SAXO1: variants seen among roughly 807,000 people sequenced by gnomAD.
The protein encoded by SAXO1 is stabilizer of axonemal microtubules 1.
SAXO1 carries 21 observed loss-of-function variants against 17.5 expected under a neutral mutation model. The observed-to-expected ratio is 1.20, with a 90% CI of 0.85 to 1.72. The LOEUF is 1.72. Ranked by LOEUF, SAXO1 falls within the 40% of genes most tolerant of loss-of-function variation. The pLI is 0.00. For synonymous variants in SAXO1, 274 were observed against 216.5 expected (o/e 1.27, Z -2.33); for missense variants, 843 against 596.0 (o/e 1.41, Z -4.32).
chr9:18,965,349 G>A (rs1284051873), intron 1 of SAXO1, among the ~76,000 whole-genome samples: 1 of 152,172 alleles, frequency 6.6e-6, no homozygotes, highest in Non-Finnish European at 1.5e-5. Context: ...TGACAGTGGG[G>A]TGTTAAAGTC....
At chr9:18,991,204 G>A (rs191609104) in intron 1 of SAXO1, among the ~76,000 whole-genome samples, 13 of 152,268 alleles carry the variant, frequency 8.5e-5, no homozygotes, top group Admixed American at 5.9e-4. Context: ...GTCATAGTGA[G>A]CCAAGATTGC....
rs766863784 is a variant in SAXO1 at position 18,928,221 on chromosome 9, C to T, written c.1256G>A (p.Arg419Lys). 2.5e-6 allele frequency: 4 copies of T among 1,614,162 alleles called. No individual in the cohort carries two copies. In the Admixed American group the frequency reaches 6.7e-5, roughly 27 times the overall value. The part of the protein sequence containing the change: ...TISFTPKEMG[R>K]CLASYPEPPG... ...AGGCTCAGGATATGAAGCTAGGCAC[C>T]TGCCCATTTCCTTGGGAGTAAAGCT... The change falls in exon 4 of 4, where the codon AGG (arginine) becomes AAG (lysine). Residue 419 changes from arginine (R) to lysine (K), a missense_variant. Physicochemically the swap from Arg to Lys is conservative, Grantham distance 26 (BLOSUM62 2). Transcript: ENST00000380534.
intron 1 of SAXO1, among the ~76,000 whole-genome samples, chr9:19,008,578 A>C (rs1385724399): frequency 1.3e-5 from 2 of 152,174 alleles, no homozygotes; most frequent in African/African-American, 4.8e-5. Context: ...TTGAGGCAGA[A>C]AATGCTAGAT....
At chr9:18,932,540 A>T (rs1003463382) in intron 3 of SAXO1, among the ~76,000 whole-genome samples, 2 of 152,244 alleles carry the variant, frequency 1.3e-5, no homozygotes, top group Admixed American at 1.3e-4. Context: ...TATAAAACCT[A>T]AAATTACTTT....
At chr9:18,973,347 A>G (rs1833022007) in intron 1 of SAXO1, among the ~76,000 whole-genome samples, 2 of 152,252 alleles carry the variant, frequency 1.3e-5, no homozygotes, top group East Asian at 1.9e-4. Flanking sequence ...GTGGCATTCA[A>G]TACAGCTGCC....
chr9:18,947,102 G>T (rs77478623), intron 2 of SAXO1, among the ~76,000 whole-genome samples: 1,899 of 152,340 alleles, frequency 0.012, 44 homozygotes, highest in African/African-American at 0.043. Flanking sequence ...GATTGCCCAA[G>T]CAAGTCCAGT....
intron 1 of SAXO1, among the ~76,000 whole-genome samples, chr9:18,968,881 C>T (rs762284289): frequency 1.3e-5 from 2 of 151,980 alleles, no homozygotes; most frequent in Non-Finnish European, 2.9e-5. Flanking sequence ...GACATGAGCC[C>T]CTGCACCCAA....
intron 1 of SAXO1, among the ~76,000 whole-genome samples, chr9:18,955,031 C>A (rs1832201106): frequency 6.6e-6 from 1 of 151,944 alleles, no homozygotes; most frequent in Admixed American, 6.6e-5. Context: ...ATAGTAGCCA[C>A]ATTAGAAGGG....
chr9:19,034,793 C>T (rs1316978359), upstream of SAXO1, among the ~76,000 whole-genome samples: 1 of 152,212 alleles, frequency 6.6e-6, no homozygotes, highest in African/African-American at 2.4e-5. Flanking sequence ...TTGCCATTGA[C>T]AGAGAACATC....
At chr9:19,034,445 C>A (rs1445880940), upstream of SAXO1, among the ~76,000 whole-genome samples, 5 of 152,072 alleles carry the variant, frequency 3.3e-5, no homozygotes, top group African/African-American at 1.2e-4. Flanking sequence ...ATGAAACTTA[C>A]CTAAAATTCA....
upstream of SAXO1, among the ~76,000 whole-genome samples, chr9:19,033,788 A>C (rs1302464885): frequency 1.3e-5 from 2 of 152,198 alleles, no homozygotes; most frequent in African/African-American, 4.8e-5. Context: ...TGAAAACCAG[A>C]TTGCCAGACC....
chr9:18,968,212 CT>C (rs959372995), intron 1 of SAXO1, among the ~76,000 whole-genome samples: 1 of 152,136 alleles, frequency 6.6e-6, no homozygotes, highest in Non-Finnish European at 1.5e-5. Context: ...CCAGTCTTCC[CT>C]TTTTTGTTAT....
chr9:18,953,271 C>A (rs907923788), intron 1 of SAXO1, among the ~76,000 whole-genome samples: 28 of 152,088 alleles, frequency 1.8e-4, no homozygotes, highest in Admixed American at 1.6e-3. Context: ...TTTTCAGTGC[C>A]CCTGTTTTTT....
intron 1 of SAXO1, among the ~76,000 whole-genome samples, chr9:19,045,151 A>C (rs1836177086): frequency 6.7e-6 from 1 of 149,890 alleles, no homozygotes; most frequent in Admixed American, 6.6e-5. Flanking sequence ...TCTACTAAAA[A>C]TACAAAAAAT....
chr9:18,991,387 T>TA (rs1284342190), intron 1 of SAXO1, among the ~76,000 whole-genome samples: 1 of 151,994 alleles, frequency 6.6e-6, no homozygotes, highest in Non-Finnish European at 1.5e-5. Flanking sequence ...TATGCAGCCA[T>TA]AAAAAAGGAT....
chr9:19,033,426 A>G (rs1183452589), upstream of SAXO1, among the ~76,000 whole-genome samples: 1 of 152,260 alleles, frequency 6.6e-6, no homozygotes, highest in East Asian at 1.9e-4. Flanking sequence ...CTGGTGCAGT[A>G]AACGGTCACA....
chr9:18,937,737 C>A (rs1204468105), intron 3 of SAXO1, among the ~76,000 whole-genome samples: 1 of 152,074 alleles, frequency 6.6e-6, no homozygotes, highest in East Asian at 1.9e-4. Context: ...CAACAAGGCA[C>A]CATCTTGGAA....
intron 1 of SAXO1, chr9:19,027,734 T>A: frequency 6.9e-7 from 1 of 1,444,088 alleles, no homozygotes; most frequent in South Asian, 1.2e-5. Context: ...CAGCGAGAAG[T>A]CCGGGGACCG....
Position 19,013,537 on chromosome 9 carries a change from C to T in SAXO1, c.38+19334G>A, listed in dbSNP as rs1189510127. 4.7e-5 allele frequency among the ~76,000 whole-genome samples: 6 copies of T among 128,042 alleles called. No individual in the cohort carries two copies. The East Asian group carries it at 6.7e-4, about 14-fold the overall frequency. 84.0% of individuals were successfully genotyped at this position (128,042 alleles called of 152,430 possible). A position where few individuals can be genotyped will look rare whatever the true frequency, so the allele number is the denominator to read the frequency against. On this transcript the variant is annotated intron_variant, in intron 1 of 3. Transcript: ENST00000380534. ...GGTATTTCAGAAGAAACTAAAAGTA[C>T]GGATTTTTTTTTTTTTTTTTTTTTT...
Sources: gnomAD v4.1 joint callset for allele counts (sites outside exome capture counted in the v4.1 genomes callset) on GRCh38, gnomAD v4.1.1 for gene constraint, MANE v1.5 for transcripts, NCBI Gene and HGNC (gene_info 2026-07-23, HGNC 2026-07-21) for gene names.